The following LMNTD2 variants were observed in gnomAD, a reference collection of about 807,000 sequenced individuals.
LMNTD2 encodes lamin tail domain containing 2.
In LMNTD2, 83 loss-of-function variants were observed where a neutral mutation model predicts 70.1. That is an observed-to-expected ratio of 1.18 (90% CI 0.99 to 1.42). The LOEUF (loss-of-function observed/expected upper bound fraction) is 1.42, where lower values mean the gene tolerates loss of function less well. LMNTD2 is among the 40% of genes most tolerant of loss of function. LMNTD2 has a pLI of 0.00. For missense variants in LMNTD2, 1,153 were observed against 905.9 expected (o/e 1.27, Z -3.50); for synonymous variants, 534 against 406.1 (o/e 1.31, Z -3.79).
chr11:554,963 G>A lies in LMNTD2; in HGVS notation c.*17C>T. The A allele has an allele frequency of 6.5e-6, 10 of 1,540,680 alleles. No homozygotes were observed. Among genetic ancestry groups the A allele is most frequent in the Non-Finnish European group, 8.7e-6 (10 of 1,147,460 alleles). ...GCCCGCGCCCTCCCTCGCGGTCCCG[G>A]CCCCACTCCTCCGCCCCTAGGCGCC... On this transcript the variant is annotated 3_prime_UTR_variant, in exon 14 of 14. Transcript: ENST00000329451.
chr11:556,049 G>C lies in LMNTD2; in HGVS notation c.1324C>G (p.Pro442Ala). Residue 442 changes from proline (P) to alanine (A), a missense_variant, in exon 11 of 14, where the codon CCC (proline) becomes GCC (alanine). Pro to Ala is a conservative substitution (Grantham distance 27). Transcript: ENST00000329451. Reference sequence around the variant, plus strand: ...GCGCAGCCGCGGATGGAGAGGAGGGGAACGGGCTCCCGGCTCGAGGACGCG... The same window carrying C: ...GCGCAGCCGCGGATGGAGAGGAGGGCAACGGGCTCCCGGCTCGAGGACGCG... ...LRASSSREPV[P>A]LLSIRGCATL... The C allele has an allele frequency of 1.3e-6, 2 of 1,553,372 alleles. No homozygotes were observed. The highest frequency in any genetic ancestry group is 1.7e-6 in the Non-Finnish European group (2 of 1,160,454).
Position 554,908 on chromosome 11 carries a change from G to C in LMNTD2, c.*72C>G. The C allele has an allele frequency of 9.1e-7, 1 of 1,102,294 alleles. No homozygotes were observed. The highest frequency in any genetic ancestry group is 1.2e-6 in the Non-Finnish European group (1 of 808,570). The allele number at this position is 1,102,294 out of a possible 1,614,324, so 68.3% of individuals were successfully genotyped here. On this transcript the variant is annotated 3_prime_UTR_variant, in exon 14 of 14. Coordinates refer to ENST00000329451, the MANE Select transcript of LMNTD2 (RefSeq NM_173573.3). ...CCACGTTGGTTCAATAAATGATGCA[G>C]CGGACACAGCCCGCCCAGCCCCGGC...
At position 558,076 on chromosome 11, in the gene LMNTD2, T is replaced by C. The variant is rs553907913; in HGVS notation, c.400-37A>G. 16 of 1,585,434 alleles carry C rather than the reference T, an allele frequency of 1.0e-5. No homozygotes were observed. In the East Asian group the frequency reaches 3.1e-4, roughly 31 times the overall value. ...GGGCCTGTGGTTGGTGGTGGGGGGG[T>C]GTCTTCTGCAGAAGGCCCCCAGGCC... On this transcript the variant is annotated intron_variant, in intron 4 of 13. Transcript: ENST00000329451.
chr11:559,289 G>A (rs1853125733), intron 1 of LMNTD2: 3 of 1,459,106 alleles, frequency 2.1e-6, no homozygotes, highest in East Asian at 3.0e-5. Flanking sequence ...CCTGTGATGT[G>A]GTGTCCCTCT....
chr11:558,348 C>T (rs1589832272), intron 3 of LMNTD2, 100 bp from the exon 4 acceptor site: 2 of 1,351,490 alleles, frequency 1.5e-6, no homozygotes, highest in Middle Eastern at 2.1e-4. Flanking sequence ...GCTCCACTGC[C>T]ACCTTGGCCC....
At chr11:559,068 A>AG (rs1299154516) in intron 1 of LMNTD2, 89 bp from the exon 2 acceptor site, 1 of 1,538,842 alleles carries the variant, frequency 6.5e-7, no homozygotes, top group Non-Finnish European at 8.8e-7. Context: ...GGGAGCTGGG[A>AG]GGGGTGGGGG....
Position 554,929 on chromosome 11 carries a change from C to G in LMNTD2, c.*51G>C. The G allele has an allele frequency of 1.4e-6, 2 of 1,381,356 alleles. No individual in the cohort carries two copies. Among genetic ancestry groups the G allele is most frequent in the Non-Finnish European group, 1.9e-6 (2 of 1,049,434 alleles). 85.6% of individuals were successfully genotyped at this position (1,381,356 alleles called of 1,614,324 possible). ...TGCAGCGGACACAGCCCGCCCAGCCCCGGCGCCCGCCCGCGCCCTCCCTCG... is the reference window on the plus strand; with the variant it reads ...TGCAGCGGACACAGCCCGCCCAGCCGCGGCGCCCGCCCGCGCCCTCCCTCG... On this transcript the variant is annotated 3_prime_UTR_variant, in exon 14 of 14. Coordinates refer to ENST00000329451, the MANE Select transcript of LMNTD2 (RefSeq NM_173573.3).
chr11:558,787 G>T, intron 2 of LMNTD2, 21 bp from the exon 3 acceptor site: 3 of 1,601,138 alleles, frequency 1.9e-6, no homozygotes, highest in Non-Finnish European at 2.6e-6. Flanking sequence ...AGCAGACCCT[G>T]CTGCTTACTC....
rs757896093 is a variant in LMNTD2 at position 555,011 on chromosome 11, G to C, written c.1874C>G (p.Pro625Arg). The change falls in exon 14 of 14, where the codon CCG becomes CGG. Residue 625 changes from proline to arginine, a missense_variant. By Grantham distance (103) the Pro-to-Arg change is moderately radical. Transcript: ENST00000329451. The stretch of plus-strand genomic sequence containing the variant: ...GCCGCGGCAGGTGTCCGCGGTGACC[G>C]GCAGGCAGCTGAGGAAGCGGAAGCC... ...RFGFRFLSCL[P>R]VTADTCRGA The C allele has an allele frequency of 6.9e-6, 11 of 1,591,426 alleles. No homozygotes were observed. Among genetic ancestry groups the C allele is most frequent in the East Asian group, 4.7e-5 (2 of 42,768 alleles).
At chr11:555,547 G>C in intron 12 of LMNTD2, 44 bp from the exon 13 acceptor site, 1 of 1,326,066 alleles carries the variant, frequency 7.5e-7, no homozygotes, top group Non-Finnish European at 9.6e-7. Context: ...GCCCGGGAAA[G>C]GCGGCCCTAG....
In LMNTD2 at chr11:558,882, T is replaced by C; in HGVS notation, c.132A>G (p.Ala44=). The C allele has an allele frequency of 6.2e-7, 1 of 1,609,682 alleles. No homozygotes were observed. Among genetic ancestry groups the C allele is most frequent in the Non-Finnish European group, 8.5e-7 (1 of 1,177,892 alleles). The change falls in exon 2 of 14, where the codon GCA becomes GCG. Residue 44 remains alanine (A), a synonymous_variant. Transcript: ENST00000329451. ...GCGGGTCGGCAGAGCAGACCACCGGTGCGGGGTGGGGCGTGGTGTCTGGCA... is the reference window on the plus strand; with the variant it reads ...GCGGGTCGGCAGAGCAGACCACCGGCGCGGGGTGGGGCGTGGTGTCTGGCA... ...TCLPDTTPHP[A]PVVCSADPQL... is the part of the protein sequence containing the mutation.
intron 1 of LMNTD2, chr11:559,723 G>T (rs1003877969): frequency 8.9e-7 from 1 of 1,124,402 alleles, no homozygotes; most frequent in African/African-American, 1.6e-5. Flanking sequence ...AACGCTAACT[G>T]GCAATAGTAC....
intron 1 of LMNTD2, chr11:559,817 C>T (rs895515934): frequency 4.1e-6 from 4 of 972,610 alleles, no homozygotes; most frequent in Admixed American, 9.8e-5. Context: ...TGGAATGCTT[C>T]GGTGTGATGA....
In LMNTD2 at chr11:557,921, AC is replaced by A. The variant is rs759376851; in HGVS notation, c.517del (p.Val173TrpfsTer14). 1.9e-6 allele frequency: 3 copies of A among 1,586,130 alleles called. No homozygotes were observed. The highest frequency in any genetic ancestry group is 2.6e-6 in the Non-Finnish European group (3 of 1,166,778). ...CLLQLARSSW[V>X]GRMLRSQTGS... The stretch of plus-strand genomic sequence containing the variant: ...AGTCTGGGATCGTAGCATGCGGCCC[AC>A]CCACGAGGAGCGGGCCAGCTGCAGG... On this transcript the variant is annotated frameshift_variant, in exon 5 of 14. Transcript: ENST00000329451. LOFTEE classifies it high-confidence loss of function.
chr11:554,988 C>A lies in LMNTD2; in HGVS notation c.1897G>T (p.Gly633Cys). The A allele has an allele frequency of 6.3e-7, 1 of 1,582,726 alleles. No homozygotes were observed. Among genetic ancestry groups the A allele is most frequent in the Non-Finnish European group, 8.6e-7 (1 of 1,168,394 alleles). ...CLPVTADTCR[G>C]A ...GCCCCACTCCTCCGCCCCTAGGCGC[C>A]GCGGCAGGTGTCCGCGGTGACCGGC... The change falls in exon 14 of 14, where the codon GGC (glycine) becomes TGC (cysteine). Residue 633 changes from glycine (G) to cysteine (C), a missense_variant. Transcript: ENST00000329451.
rs1852807278 is a variant in LMNTD2, at chr11:555,691, G to T, written c.1574+43C>A. 8.8e-6 allele frequency: 12 copies of T among 1,367,118 alleles called. No individual in the cohort carries two copies. The South Asian group carries it at 1.8e-4, about 21-fold the overall frequency. 84.7% of individuals were successfully genotyped at this position (1,367,118 alleles called of 1,614,324 possible). On this transcript the variant is annotated intron_variant, in intron 12 of 13. Transcript: ENST00000329451. ...GAGGGACCGTTTCTGCTGGGTCGGG[G>T]CCTGGGGAGGGAGGCCAGATCCCGG...
rs191916495 is a variant in LMNTD2 at position 557,656 on chromosome 11, G to A, written c.556-16C>T. On this transcript the variant is annotated splice_polypyrimidine_tract_variant and intron_variant, in intron 5 of 13. Coordinates refer to ENST00000329451, the MANE Select transcript of LMNTD2 (RefSeq NM_173573.3). ...CCGTCACTACCTGCAAGAGGGGACCGGAAGCCAGTGGGCAGGGGCTGGGTG... is the reference window on the plus strand; with the variant it reads ...CCGTCACTACCTGCAAGAGGGGACCAGAAGCCAGTGGGCAGGGGCTGGGTG... 1.3e-4 allele frequency: 203 copies of A among 1,613,064 alleles called. 1 individual carries two copies. The East Asian group carries it at 1.4e-3, about 11-fold the overall frequency.
chr11:558,352 T>A, intron 3 of LMNTD2, 104 bp from the exon 4 acceptor site: 4 of 1,343,634 alleles, frequency 3.0e-6, no homozygotes, highest in Non-Finnish European at 4.1e-6. Context: ...CACTGCCACC[T>A]TGGCCCCAAG....
At position 555,297 on chromosome 11, in the gene LMNTD2, G is replaced by C; in HGVS notation, c.1773+8C>G. ...GAGGAGGGGGCGCACCCGCAAGCGC[G>C]CACTCACCCGAACTCGGTGTTCTTT... On this transcript the variant is annotated splice_region_variant and intron_variant, in intron 13 of 13. Transcript: ENST00000329451. 7.1e-7 allele frequency: 1 copy of C among 1,401,778 alleles called. No homozygotes were observed. The highest frequency in any genetic ancestry group is 9.3e-7 in the Non-Finnish European group (1 of 1,079,820). The allele number at this position is 1,401,778 out of a possible 1,614,324, so 86.8% of individuals were successfully genotyped here.
Sources: allele counts gnomAD v4.1 joint callset, GRCh38; gene constraint gnomAD v4.1.1; transcripts MANE v1.5; gene names NCBI Gene and HGNC (gene_info 2026-07-23, HGNC 2026-07-21).